The following CMSS1 variants were observed in gnomAD, a reference collection of about 807,000 sequenced individuals.
The protein encoded by CMSS1 is protein CMSS1.
CMSS1 carries 33 observed loss-of-function variants against 43.5 expected under a neutral mutation model. The observed-to-expected ratio is 0.76, with a 90% confidence interval of 0.57 to 1.01. The LOEUF (loss-of-function observed/expected upper bound fraction) is 1.01. Ranked by LOEUF, CMSS1 falls within the 50% of genes least tolerant of loss-of-function variation. The probability of loss-of-function intolerance (pLI) is 0.00; values close to 1 mark genes in which losing one functional copy is unlikely to be tolerated. For synonymous variants in CMSS1, 115 were observed against 117.2 expected, an observed-to-expected ratio of 0.98 and a Z score of 0.12; for missense variants, 313 against 326.4, an observed-to-expected ratio of 0.96 and a Z score of 0.32.
chr3:100,011,240 T>C (rs1384482639), intron 1 of CMSS1, among the ~76,000 whole-genome samples: 3 of 152,124 alleles, frequency 2.0e-5, no homozygotes, highest in African/African-American at 7.2e-5. Context: ...GTTATGAACT[T>C]AGGAATTCTT....
chr3:100,152,910 T>C (rs1432968376), intron 2 of CMSS1, among the ~76,000 whole-genome samples: 2 of 152,236 alleles, frequency 1.3e-5, no homozygotes, highest in African/African-American at 4.8e-5. Flanking sequence ...TTCAAGCGCA[T>C]TCTTCATCAA....
At chr3:99,902,473 G>A (rs185724384) in intron 1 of CMSS1, among the ~76,000 whole-genome samples, 17 of 152,278 alleles carry the variant, frequency 1.1e-4, no homozygotes, top group Non-Finnish European at 2.2e-4. Flanking sequence ...TGATTCTATG[G>A]CATGGTAATA....
intron 1 of CMSS1, among the ~76,000 whole-genome samples, chr3:99,974,436 G>A (rs542990506): frequency 9.9e-5 from 15 of 152,170 alleles, no homozygotes; most frequent in East Asian, 1.9e-4. Context: ...TGGGCTGGGC[G>A]CAGTGGCTCA....
intron 1 of CMSS1, among the ~76,000 whole-genome samples, chr3:100,021,334 C>T (rs1216728799): frequency 6.6e-6 from 1 of 152,188 alleles, no homozygotes; most frequent in Non-Finnish European, 1.5e-5. Context: ...GTGCCCTCAA[C>T]TTTATCCCCC....
intron 1 of CMSS1, among the ~76,000 whole-genome samples, chr3:100,108,331 A>G (rs954637481): frequency 1.3e-5 from 2 of 152,156 alleles, no homozygotes; most frequent in Non-Finnish European, 2.9e-5. Context: ...TATATTAATG[A>G]TAATGATAAT....
chr3:99,858,510 TAATA>T (rs1374097641), intron 1 of CMSS1, among the ~76,000 whole-genome samples: 8 of 152,166 alleles, frequency 5.3e-5, no homozygotes, highest in African/African-American at 1.9e-4. Flanking sequence ...TAATAAATAA[TAATA>T]AATCCATCAT....
At chr3:99,849,185 T>C (rs1220708928) in intron 1 of CMSS1, 1 of 1,614,146 alleles carries the variant, frequency 6.2e-7, no homozygotes, top group South Asian at 1.1e-5. Flanking sequence ...TGATTCTCAC[T>C]CTCCTCATAT....
At chr3:100,070,136 T>C (rs1272775137) in intron 1 of CMSS1, among the ~76,000 whole-genome samples, 1 of 152,204 alleles carries the variant, frequency 6.6e-6, no homozygotes, top group African/African-American at 2.4e-5. Context: ...ACAGCTAACA[T>C]GAAGTGCTCT....
chr3:100,018,387 G>T (rs912605548), intron 1 of CMSS1, among the ~76,000 whole-genome samples: 3 of 152,058 alleles, frequency 2.0e-5, no homozygotes, highest in South Asian at 2.1e-4. Context: ...AAATTAAACT[G>T]CAGTGTTGTG....
chr3:100,180,145 C>A lies in CMSS1; in HGVS notation c.*1757C>A, dbSNP rs2067175811. Reference sequence around the variant, plus strand: ...TGGGCCCAGGGCCTAGCCCACGAAACCATTTTTTTCCTCCTAGGCCTCTGG... The same window carrying A: ...TGGGCCCAGGGCCTAGCCCACGAAAACATTTTTTTCCTCCTAGGCCTCTGG... On this transcript the variant is annotated 3_prime_UTR_variant, in exon 10 of 10. Transcript: ENST00000421999. The A allele has an allele frequency of 8.0e-6, 1 of 124,260 alleles. No individual in the cohort carries two copies. 7.7% of individuals were successfully genotyped at this position (124,260 alleles called of 1,614,324 possible). A position where few individuals can be genotyped will look rare whatever the true frequency, so the allele number is the denominator to read the frequency against.
At chr3:100,087,303 G>A (rs1314396379) in intron 1 of CMSS1, among the ~76,000 whole-genome samples, 2 of 152,150 alleles carry the variant, frequency 1.3e-5, no homozygotes, top group Non-Finnish European at 2.9e-5. Flanking sequence ...GTACTATTTT[G>A]TGTTCCCACC....
intron 5 of CMSS1, among the ~76,000 whole-genome samples, chr3:100,166,878 A>G (rs2107529347): frequency 1.3e-5 from 2 of 152,072 alleles, no homozygotes; most frequent in Admixed American, 1.3e-4. Flanking sequence ...AGCTGGGACT[A>G]TAGTTGTGTG....
At chr3:100,094,851 T>G (rs932049518) in intron 1 of CMSS1, among the ~76,000 whole-genome samples, 14 of 151,858 alleles carry the variant, frequency 9.2e-5, no homozygotes, top group African/African-American at 3.1e-4. Context: ...ACCTGGCAAT[T>G]TTGTGTGTGT....
intron 1 of CMSS1, among the ~76,000 whole-genome samples, chr3:100,064,534 T>G (rs559787435): frequency 6.6e-6 from 1 of 152,330 alleles, no homozygotes; most frequent in East Asian, 1.9e-4. Flanking sequence ...CTTTATGTTT[T>G]GACAAATGCC....
chr3:99,849,705 C>A, intron 1 of CMSS1: 1 of 1,613,672 alleles, frequency 6.2e-7, no homozygotes, highest in Non-Finnish European at 8.5e-7. Context: ...GTTCTAGAGT[C>A]TCATATTCAT....
chr3:99,862,444 G>T (rs1363488131), intron 1 of CMSS1, among the ~76,000 whole-genome samples: 1 of 152,160 alleles, frequency 6.6e-6, no homozygotes, highest in African/African-American at 2.4e-5. Flanking sequence ...TATGCACATG[G>T]TTAGTCATAA....
At chr3:100,084,561 G>C (rs1425890733) in intron 1 of CMSS1, among the ~76,000 whole-genome samples, 3 of 152,174 alleles carry the variant, frequency 2.0e-5, no homozygotes, top group South Asian at 4.1e-4. Flanking sequence ...TGGGAAGTAA[G>C]AACCTTATGA....
intron 1 of CMSS1, chr3:100,010,050 T>C (rs971193305): frequency 8.0e-6 from 2 of 248,542 alleles, no homozygotes; most frequent in South Asian, 1.5e-4. Context: ...ATATCTACCA[T>C]ATGTTTTACA....
At chr3:100,123,569 TG>T (rs948226425) in intron 1 of CMSS1, among the ~76,000 whole-genome samples, 5 of 152,186 alleles carry the variant, frequency 3.3e-5, no homozygotes, top group African/African-American at 1.2e-4. Flanking sequence ...AAGTGGTTGC[TG>T]GGGGTCCAAA....
Sources: allele counts gnomAD v4.1 joint callset (sites outside exome capture counted in the v4.1 genomes callset), GRCh38; gene constraint gnomAD v4.1.1; transcripts MANE v1.5; gene names NCBI Gene and HGNC (gene_info 2026-07-23, HGNC 2026-07-21).